Variants in DDX10 observed in about 807,000 individuals in gnomAD.
DDX10 encodes DEAD-box helicase 10, also known as probable ATP-dependent RNA helicase DDX10.
Under a neutral mutation model 104.3 loss-of-function variants are expected in DDX10, and 74 were observed. The observed-to-expected ratio is 0.71, with a 90% CI of 0.59 to 0.86. The LOEUF is 0.86. Ranked by LOEUF, DDX10 falls within the 40% of genes least tolerant of loss-of-function variation. The pLI is 0.00. For synonymous variants in DDX10, 351 were observed against 353.4 expected (o/e 0.99, Z 0.08); for missense variants, 952 against 1,040.0 (o/e 0.92, Z 1.16).
chr11:108,796,835 G>T (rs1861947610), intron 13 of DDX10, among the ~76,000 whole-genome samples: 2 of 152,138 alleles, frequency 1.3e-5, no homozygotes, highest in Non-Finnish European at 2.9e-5. Flanking sequence ...TGCTACTGTT[G>T]TGTGAGTGGG....
At chr11:108,893,491 T>C (rs2134641993) in intron 16 of DDX10, among the ~76,000 whole-genome samples, 1 of 152,186 alleles carries the variant, frequency 6.6e-6, no homozygotes, top group East Asian at 1.9e-4. Flanking sequence ...TATTGTTAAT[T>C]TTTAAATGTT....
At chr11:108,693,900 A>G (rs2094256180) in intron 9 of DDX10, among the ~76,000 whole-genome samples, 1 of 152,232 alleles carries the variant, frequency 6.6e-6, no homozygotes, top group Non-Finnish European at 1.5e-5. Flanking sequence ...CTAGGACTGC[A>G]GTAGTCCTCA....
At chr11:108,902,614 A>T (rs1412169949) in intron 16 of DDX10, among the ~76,000 whole-genome samples, 1 of 152,158 alleles carries the variant, frequency 6.6e-6, no homozygotes, top group African/African-American at 2.4e-5. Flanking sequence ...TCTCTCATTG[A>T]ATATTCACTT....
Position 108,911,586 on chromosome 11 carries a change from T to TCC in DDX10, c.2305-6287_2305-6286insCC, listed in dbSNP as rs1863680663. On this transcript the variant is annotated intron_variant, in intron 16 of 17. Coordinates refer to ENST00000322536, the MANE Select transcript of DDX10 (RefSeq NM_004398.4). ...TTTTTTTTTTTTTTTTTTTTTTTTT[T>TCC]TGAGACAGGACCTAGCTCTATCACC... is the stretch of plus-strand genomic sequence containing the variant. 1.7e-4 allele frequency among the ~76,000 whole-genome samples: 9 copies of TCC among 54,416 alleles called. No homozygotes were observed. The South Asian group carries it at 5.7e-3, about 34-fold the overall frequency. The allele number at this position is 54,416 out of a possible 152,430, so 35.7% of individuals were successfully genotyped here.
At chr11:108,819,357 G>A (rs1000519360) in intron 13 of DDX10, among the ~76,000 whole-genome samples, 1 of 152,108 alleles carries the variant, frequency 6.6e-6, no homozygotes, top group African/African-American at 2.4e-5. Flanking sequence ...TACCAGCATA[G>A]CCCTCTTGAG....
chr11:108,888,468 G>A (rs139950427), intron 16 of DDX10, among the ~76,000 whole-genome samples: 1 of 152,152 alleles, frequency 6.6e-6, no homozygotes, highest in African/African-American at 2.4e-5. Flanking sequence ...CTCTCTTCTG[G>A]TTGTAAAGGT....
At chr11:108,692,161 AAAGT>A in intron 8 of DDX10, 123 bp downstream of exon 8, 1 of 872,990 alleles carries the variant, frequency 1.1e-6, no homozygotes. Flanking sequence ...TTGTAAGAGA[AAAGT>A]AAGTAGTAAA....
chr11:108,910,086 A>T (rs960082631), intron 16 of DDX10, among the ~76,000 whole-genome samples: 1 of 152,168 alleles, frequency 6.6e-6, no homozygotes, highest in African/African-American at 2.4e-5. Flanking sequence ...GGCAAAAAAA[A>T]AAAAAAGGCT....
rs561985405 is a variant in DDX10 at position 108,895,665 on chromosome 11, A to G, written c.2305-22208A>G. 4.5e-4 allele frequency among the ~76,000 whole-genome samples: 68 copies of G among 152,198 alleles called. 1 individual carries two copies. The highest frequency in any genetic ancestry group is 1.4e-3 in the African/African-American group (60 of 41,576). On this transcript the variant is annotated intron_variant, in intron 16 of 17. Coordinates refer to ENST00000322536, the MANE Select transcript of DDX10 (RefSeq NM_004398.4). ...GTAGCACTAGTCTTTAGTAATTGTCACCAAAAATATTTGAGGAATTTTAAC... is the reference window on the plus strand; with the variant it reads ...GTAGCACTAGTCTTTAGTAATTGTCGCCAAAAATATTTGAGGAATTTTAAC...
rs202247119 is a variant in DDX10 at position 108,678,326 on chromosome 11, C to T, written c.549C>T (p.His183=). The change falls in exon 5 of 18, where the codon CAC becomes CAT. Residue 183 remains histidine (H), a synonymous_variant. Coordinates refer to ENST00000322536, the MANE Select transcript of DDX10 (RefSeq NM_004398.4). ...ATAACTGTTTTCAGGATCTAAAACA[C>T]GAAGCTGAGAGGATCAACAACATAA... The part of the protein sequence containing the change: ...GLIIGGKDLK[H]EAERINNINI... 7.9e-5 allele frequency: 127 copies of T among 1,607,628 alleles called. No individual in the cohort carries two copies. In the East Asian group the frequency reaches 2.6e-3, roughly 33 times the overall value.
At chr11:108,738,921 G>C (rs986112889) in intron 13 of DDX10, among the ~76,000 whole-genome samples, 7 of 152,254 alleles carry the variant, frequency 4.6e-5, no homozygotes, top group African/African-American at 1.7e-4. Context: ...GCCTGGGTTG[G>C]TGCTGTCCAC....
chr11:108,877,200 G>T (rs979953142), intron 16 of DDX10, among the ~76,000 whole-genome samples: 15 of 152,150 alleles, frequency 9.9e-5, no homozygotes, highest in Admixed American at 8.5e-4. Flanking sequence ...CTTTTCAAAA[G>T]AATGTTTTCA....
intron 13 of DDX10, among the ~76,000 whole-genome samples, chr11:108,797,286 C>A (rs1447150393): frequency 6.6e-6 from 1 of 152,152 alleles, no homozygotes; most frequent in Non-Finnish European, 1.5e-5. Context: ...TCTGCCTCGG[C>A]CTCCCAAAGT....
intron 16 of DDX10, among the ~76,000 whole-genome samples, chr11:108,881,004 C>T (rs1863221050): frequency 6.6e-6 from 1 of 152,136 alleles, no homozygotes; most frequent in South Asian, 2.1e-4. Context: ...GACTCTTATG[C>T]ATCTTTTTGC....
intron 13 of DDX10, among the ~76,000 whole-genome samples, chr11:108,835,661 G>A (rs986774384): frequency 6.6e-6 from 1 of 152,212 alleles, no homozygotes; most frequent in Non-Finnish European, 1.5e-5. Flanking sequence ...CCGTTACAAA[G>A]TTTTCTGGGT....
At chr11:108,813,329 T>C (rs1419620268) in intron 13 of DDX10, among the ~76,000 whole-genome samples, 1 of 152,152 alleles carries the variant, frequency 6.6e-6, no homozygotes, top group Non-Finnish European at 1.5e-5. Context: ...AGGAAGGAAT[T>C]CGTATCTTAG....
intron 16 of DDX10, among the ~76,000 whole-genome samples, chr11:108,857,226 A>G (rs756912259): frequency 6.6e-6 from 1 of 152,148 alleles, no homozygotes; most frequent in Non-Finnish European, 1.5e-5. Flanking sequence ...CATCCATGAT[A>G]CATGATCTAA....
intron 13 of DDX10, among the ~76,000 whole-genome samples, chr11:108,762,422 A>C (rs763012276): frequency 2.0e-5 from 3 of 152,190 alleles, no homozygotes; most frequent in Non-Finnish European, 4.4e-5. Flanking sequence ...ATCCTTTTCC[A>C]TTGTTGATAT....
chr11:108,691,890 C>G lies in DDX10; in HGVS notation c.990C>G (p.Tyr330Ter), dbSNP rs756229681. ...TGATGCCCCAGGTCCAGTATCTGTA[C>G]CGAGTGTTTTGCCGGCTACGTCCTG... ...FSSCKEVQYL[Y>*]RVFCRLRPGV... The change falls in exon 8 of 18, where the codon TAC becomes TAG. Residue 330 changes from tyrosine to a stop codon, truncating the protein, a stop_gained. Coordinates refer to ENST00000322536, the MANE Select transcript of DDX10 (RefSeq NM_004398.4). LOFTEE classifies it high-confidence loss of function. 1 of 1,613,956 alleles carries G rather than the reference C, an allele frequency of 6.2e-7. No individual in the cohort carries two copies. Among genetic ancestry groups the G allele is most frequent in the Non-Finnish European group, 8.5e-7 (1 of 1,179,922 alleles).
Sources: allele counts gnomAD v4.1 joint callset (sites outside exome capture counted in the v4.1 genomes callset), GRCh38; gene constraint gnomAD v4.1.1; transcripts MANE v1.5; gene names NCBI Gene and HGNC (gene_info 2026-07-23, HGNC 2026-07-21).